Variants in CDC14A observed in about 807,000 individuals in gnomAD.
CDC14A encodes the protein dual specificity protein phosphatase CDC14A.
CDC14A carries 53 observed loss-of-function variants against 74.4 expected under a neutral mutation model. That is an observed-to-expected ratio of 0.71 (90% CI 0.57 to 0.89). CDC14A has a LOEUF of 0.89. CDC14A is among the 40% of genes least tolerant of loss of function. CDC14A has a pLI of 0.00. For missense variants in CDC14A, 646 were observed against 713.7 expected, an observed-to-expected ratio of 0.91 and a Z score of 1.08; for synonymous variants, 247 against 258.4, an observed-to-expected ratio of 0.96 and a Z score of 0.43.
chr1:100,389,504 A>C (rs1657389879), intron 3 of CDC14A, among the ~76,000 whole-genome samples: 1 of 151,788 alleles, frequency 6.6e-6, no homozygotes, highest in Non-Finnish European at 1.5e-5. Flanking sequence ...TTTTGGTTAT[A>C]AAAGAAATGC....
intron 2 of CDC14A, among the ~76,000 whole-genome samples, chr1:100,372,334 A>G (rs1161040154): frequency 6.6e-6 from 1 of 152,210 alleles, no homozygotes; most frequent in Non-Finnish European, 1.5e-5. Context: ...TCTTCCTTTC[A>G]TGAAAGATTT....
At chr1:100,361,127 A>G (rs189066702) in intron 2 of CDC14A, among the ~76,000 whole-genome samples, 12 of 152,266 alleles carry the variant, frequency 7.9e-5, no homozygotes, top group Admixed American at 5.9e-4. Flanking sequence ...AAAAAACAAA[A>G]AACAAAAAAA....
rs186577008 is a variant in CDC14A at position 100,393,962 on chromosome 1, A to T, written c.309+3138A>T. ...GTTCCCCCTCCCCACCGCAAAAAAA[A>T]ATATATATATATATAGCAGTGCATC... On this transcript the variant is annotated intron_variant, in intron 4 of 15. Transcript: ENST00000336454. 2.4e-3 allele frequency: 531 copies of T among 217,720 alleles called. 6 individuals are homozygous for T. The highest frequency in any genetic ancestry group is 0.012 in the Middle Eastern group (7 of 570). The allele number at this position is 217,720 out of a possible 1,614,324, so 13.5% of individuals were successfully genotyped here.
intron 4 of CDC14A, among the ~76,000 whole-genome samples, chr1:100,412,696 T>TTATATATATATATATATATATATA (rs139550432): frequency 5.4e-5 from 4 of 74,136 alleles, no homozygotes; most frequent in African/African-American, 3.5e-4. Context: ...CCTGTATGTT[T>TTATATATATATATATATATATATA]TATATATATA....
At chr1:100,480,184 C>G (rs922929717) in intron 10 of CDC14A, among the ~76,000 whole-genome samples, 3 of 152,174 alleles carry the variant, frequency 2.0e-5, no homozygotes, top group African/African-American at 7.2e-5. Context: ...CTGGAAACCT[C>G]TATTCTACTT....
At chr1:100,379,082 A>G (rs918798877) in intron 3 of CDC14A, among the ~76,000 whole-genome samples, 1 of 152,190 alleles carries the variant, frequency 6.6e-6, no homozygotes, top group Non-Finnish European at 1.5e-5. Context: ...TGAATTGGGT[A>G]TTATAATTAA....
At chr1:100,459,205 G>A (rs888071024) in intron 8 of CDC14A, among the ~76,000 whole-genome samples, 8 of 152,040 alleles carry the variant, frequency 5.3e-5, no homozygotes. Flanking sequence ...CCTTTAATGA[G>A]AGAAGCCCAG....
At chr1:100,412,733 A>ATATATATATATATATATAAAATATATATG in intron 4 of CDC14A, among the ~76,000 whole-genome samples, 1 of 110,120 alleles carries the variant, frequency 9.1e-6, no homozygotes, top group African/African-American at 4.8e-5. Context: ...TTTTATATAT[A>ATATATATATATATATATAAAATATATATG]TATATTTTAT....
rs554923709 is a variant in CDC14A, at chr1:100,355,219, T to C, written c.140+1367T>C. Among the ~76,000 whole-genome samples, 6 of 152,326 alleles carry C rather than the reference T, an allele frequency of 3.9e-5. No individual in the cohort carries two copies. In the South Asian group the frequency reaches 6.2e-4, roughly 16 times the overall value. On this transcript the variant is annotated intron_variant, in intron 2 of 15. Coordinates refer to ENST00000336454, the MANE Select transcript of CDC14A (RefSeq NM_003672.4). ...TTCACTCTGTTGTTGGGAATGTGCA[T>C]TGTTGTGCCTCTGTTTTTGTGATTT...
At chr1:100,505,837 G>C (rs1451572329) in intron 15 of CDC14A, among the ~76,000 whole-genome samples, 1 of 152,194 alleles carries the variant, frequency 6.6e-6, no homozygotes, top group Non-Finnish European at 1.5e-5. Flanking sequence ...TCTGTGGGCT[G>C]TACGAGCATG....
At chr1:100,404,267 C>G (rs1659643351) in intron 4 of CDC14A, among the ~76,000 whole-genome samples, 1 of 151,820 alleles carries the variant, frequency 6.6e-6, no homozygotes, top group African/African-American at 2.4e-5. Flanking sequence ...TTTTAGTGTT[C>G]AAAATAGGGT....
chr1:100,419,987 T>C (rs1443995054), intron 4 of CDC14A, among the ~76,000 whole-genome samples: 7 of 140,648 alleles, frequency 5.0e-5, no homozygotes, highest in Non-Finnish European at 1.1e-4. Context: ...GGGCACAGAT[T>C]TCACTTTTAA....
chr1:100,348,036 C>T (rs1570919751), upstream of CDC14A, among the ~76,000 whole-genome samples: 1 of 152,120 alleles, frequency 6.6e-6, no homozygotes, highest in African/African-American at 2.4e-5. Flanking sequence ...GTAATCCCAG[C>T]ACTTTGGGAG....
chr1:100,432,522 G>A (rs1663819222), intron 5 of CDC14A, among the ~76,000 whole-genome samples: 1 of 152,168 alleles, frequency 6.6e-6, no homozygotes. Flanking sequence ...AAGGCGGGGT[G>A]TGGTGACTCA....
At chr1:100,422,535 G>T (rs1311021918) in intron 4 of CDC14A, among the ~76,000 whole-genome samples, 1 of 152,150 alleles carries the variant, frequency 6.6e-6, no homozygotes, top group Non-Finnish European at 1.5e-5. Flanking sequence ...TGTAATGTTG[G>T]TTACTGAAAA....
intron 6 of CDC14A, among the ~76,000 whole-genome samples, chr1:100,441,383 G>A (rs1428156798): frequency 6.6e-6 from 1 of 152,094 alleles, no homozygotes; most frequent in African/African-American, 2.4e-5. Context: ...CCATATTCTG[G>A]GCTATTTTTG....
chr1:100,402,613 C>T (rs1659415147), intron 4 of CDC14A, among the ~76,000 whole-genome samples: 1 of 152,072 alleles, frequency 6.6e-6, no homozygotes, highest in Admixed American at 6.6e-5. Context: ...TAGGAAGAAC[C>T]CTTCTGCAGT....
chr1:100,412,700 A>ATATATATATATATATATT (rs1660881288), intron 4 of CDC14A, among the ~76,000 whole-genome samples: 1 of 92,794 alleles, frequency 1.1e-5, no homozygotes, highest in Non-Finnish European at 1.8e-5. Flanking sequence ...TATGTTTTAT[A>ATATATATATATATATATT]TATATATATA....
chr1:100,364,540 A>G (rs1247731023), intron 2 of CDC14A, among the ~76,000 whole-genome samples: 1 of 152,076 alleles, frequency 6.6e-6, no homozygotes, highest in Admixed American at 6.6e-5. Flanking sequence ...TTTTAGAGTA[A>G]TTATTTTCCT....
Sources: gnomAD v4.1 joint callset for allele counts (sites outside exome capture counted in the v4.1 genomes callset) on GRCh38, gnomAD v4.1.1 for gene constraint, MANE v1.5 for transcripts, NCBI Gene and HGNC (gene_info 2026-07-23, HGNC 2026-07-21) for gene names.